The following TERB2 variants were observed in gnomAD, a reference collection of about 807,000 sequenced individuals.
The protein encoded by TERB2 is telomere repeats-binding bouquet formation protein 2.
Under a neutral mutation model 29.8 loss-of-function variants are expected in TERB2, and 26 were observed. The ratio of observed to expected loss-of-function variants is 0.87; its 90% CI spans 0.64 to 1.21. TERB2 has a LOEUF of 1.21. Among genes scored for constraint, TERB2 ranks in the 50% most tolerant of loss-of-function variants. The pLI is 0.00. For missense variants in TERB2, 240 were observed against 268.6 expected (o/e 0.89, Z 0.74); for synonymous variants, 80 against 90.8 (o/e 0.88, Z 0.68).
At chr15:44,957,931 A>G (rs918276298) in intron 2 of TERB2, among the ~76,000 whole-genome samples, 8 of 151,782 alleles carry the variant, frequency 5.3e-5, no homozygotes, top group Admixed American at 2.0e-4. Context: ...TTGTTCATGC[A>G]TGCCTTTTTC....
chr15:44,958,182 T>C (rs1891748355), intron 2 of TERB2, among the ~76,000 whole-genome samples, 191 bp from the exon 3 acceptor site: 1 of 152,196 alleles, frequency 6.6e-6, no homozygotes, highest in Admixed American at 6.5e-5. Context: ...AGCTGAGATG[T>C]GCCAGATATA....
At chr15:44,964,701 T>C (rs964281254) in intron 4 of TERB2, among the ~76,000 whole-genome samples, 1 of 152,162 alleles carries the variant, frequency 6.6e-6, no homozygotes. Flanking sequence ...TAAAAGAATT[T>C]GTCAATTCTT....
chr15:44,966,112 C>T lies in TERB2; in HGVS notation c.349-46C>T, dbSNP rs1217615143. On this transcript the variant is annotated intron_variant, in intron 4 of 6. Transcript: ENST00000340827. ...TTTAAAAACATTACTGATTGGATCA[C>T]TGGTATGACGATTTTTTAAAATGTG... 6 of 1,130,670 alleles carry T rather than the reference C, an allele frequency of 5.3e-6. No individual in the cohort carries two copies. The African/African-American group carries it at 6.5e-5, about 12-fold the overall frequency. The allele number at this position is 1,130,670 out of a possible 1,614,324, so 70.0% of individuals were successfully genotyped here. A position where few individuals can be genotyped will look rare whatever the true frequency, so the allele number is the denominator to read the frequency against.
intron 4 of TERB2, among the ~76,000 whole-genome samples, chr15:44,965,658 T>A (rs1304984472): frequency 2.8e-5 from 4 of 145,410 alleles, no homozygotes; most frequent in African/African-American, 1.0e-4. Context: ...TATATCTTTA[T>A]GTATATAGTG....
intron 4 of TERB2, among the ~76,000 whole-genome samples, chr15:44,965,866 A>G (rs986518354): frequency 6.1e-4 from 92 of 151,812 alleles, no homozygotes; most frequent in Non-Finnish European, 1.1e-3. Context: ...ATAATTGAAA[A>G]GAGAATAAAA....
chr15:44,968,408 A>G (rs559425868), intron 5 of TERB2, among the ~76,000 whole-genome samples: 126 of 151,872 alleles, frequency 8.3e-4, no homozygotes, highest in African/African-American at 3.0e-3. Flanking sequence ...TTTAGTAGAG[A>G]CGGGGTTTGG....
intron 6 of TERB2, among the ~76,000 whole-genome samples, chr15:44,975,632 G>A (rs891430331): frequency 6.6e-6 from 1 of 151,928 alleles, no homozygotes; most frequent in Non-Finnish European, 1.5e-5. Context: ...TTGGGCGAGG[G>A]TAGATGAGTG....
intron 4 of TERB2, 120 bp from the exon 5 acceptor site, chr15:44,966,037 TA>T (rs1373676774): frequency 1.9e-6 from 1 of 523,068 alleles, no homozygotes; most frequent in Non-Finnish European, 3.1e-6. Context: ...CTTAAATGTG[TA>T]AATATTTTTA....
intron 5 of TERB2, among the ~76,000 whole-genome samples, chr15:44,972,352 A>C (rs181469185): frequency 6.3e-4 from 96 of 152,220 alleles, no homozygotes; most frequent in African/African-American, 2.1e-3. Flanking sequence ...TTAGGAAAAT[A>C]ATAAATTTAA....
chr15:44,969,416 T>A (rs1262390295), intron 5 of TERB2, among the ~76,000 whole-genome samples: 2 of 149,664 alleles, frequency 1.3e-5, no homozygotes, highest in African/African-American at 4.9e-5. Flanking sequence ...CCTAATTAAA[T>A]TTTTTTTTTG....
intron 5 of TERB2, among the ~76,000 whole-genome samples, chr15:44,973,030 G>A (rs1235106373): frequency 1.3e-5 from 2 of 151,274 alleles, no homozygotes; most frequent in Non-Finnish European, 2.9e-5. Context: ...TTACAGGTGG[G>A]TGCCACCACA....
chr15:44,968,583 C>A (rs1595477563), intron 5 of TERB2, among the ~76,000 whole-genome samples: 3 of 139,940 alleles, frequency 2.1e-5, no homozygotes, highest in South Asian at 2.3e-4. Context: ...TTTTGTTTAA[C>A]CTTTTTTTTT....
At chr15:44,972,517 CT>C (rs5812285) in intron 5 of TERB2, among the ~76,000 whole-genome samples, 40,529 of 133,708 alleles carry the variant, frequency 0.3, 9,353 homozygotes, top group African/African-American at 0.71. Context: ...ATCCTTTTAG[CT>C]TTTTTTTTTT....
intron 5 of TERB2, among the ~76,000 whole-genome samples, chr15:44,967,289 C>T (rs1298926484): frequency 3.3e-5 from 5 of 152,190 alleles, no homozygotes; most frequent in African/African-American, 1.2e-4. Flanking sequence ...TTTTATCCCT[C>T]CAAACCTGTG....
chr15:44,976,528 A>G (rs1176995347), intron 6 of TERB2, among the ~76,000 whole-genome samples: 2 of 152,218 alleles, frequency 1.3e-5, no homozygotes, highest in Admixed American at 6.5e-5. Context: ...AAAAAAAGCC[A>G]TAGTCTTTTT....
chr15:44,956,699 T>C lies in TERB2; in HGVS notation c.-20T>C, dbSNP rs1000936232. On this transcript the variant is annotated 5_prime_UTR_variant, in exon 1 of 7. Transcript: ENST00000340827. Reference sequence around the variant, plus strand: ...GCTCTGCGGCCTCCTCTCTCACATCTCCACAGGCTTGGCGACGCCATGTTT... The same window carrying C: ...GCTCTGCGGCCTCCTCTCTCACATCCCCACAGGCTTGGCGACGCCATGTTT... The C allele has an allele frequency of 1.9e-6, 3 of 1,583,762 alleles. No homozygotes were observed. In the African/African-American group the frequency reaches 4.1e-5, roughly 22 times the overall value.
chr15:44,964,966 A>C (rs577304033), intron 4 of TERB2, among the ~76,000 whole-genome samples: 1 of 152,080 alleles, frequency 6.6e-6, no homozygotes, highest in East Asian at 1.9e-4. Context: ...GTTCAAAACC[A>C]ACCTGGGCAA....
chr15:44,964,192 AT>A (rs1199209510), intron 4 of TERB2, among the ~76,000 whole-genome samples: 2 of 151,602 alleles, frequency 1.3e-5, no homozygotes, highest in Middle Eastern at 3.2e-3. Context: ...TTTTTATTTT[AT>A]TTTTTTTAAA....
chr15:44,969,796 T>TAA (rs1891942006), intron 5 of TERB2, among the ~76,000 whole-genome samples: 1 of 121,286 alleles, frequency 8.2e-6, no homozygotes, highest in African/African-American at 3.3e-5. Flanking sequence ...AGGCCATGTA[T>TAA]CAAAAAAAAA....
Sources: gnomAD v4.1 joint callset for allele counts (sites outside exome capture counted in the v4.1 genomes callset) on GRCh38, gnomAD v4.1.1 for gene constraint, MANE v1.5 for transcripts, NCBI Gene and HGNC (gene_info 2026-07-23, HGNC 2026-07-21) for gene names.